Variants in MTBP observed in about 807,000 individuals in gnomAD.
The protein encoded by MTBP is mdm2-binding protein.
MTBP carries 101 observed loss-of-function variants against 117.0 expected under a neutral mutation model. That is an observed-to-expected ratio of 0.86 (90% CI 0.73 to 1.02). The LOEUF is 1.02. MTBP is among the 50% of genes least tolerant of loss of function. The pLI is 0.00. For synonymous variants in MTBP, 350 were observed against 351.5 expected (o/e 1.00, Z 0.05); for missense variants, 970 against 1,030.9 (o/e 0.94, Z 0.81).
rs754784575 is a variant in MTBP at position 120,470,949 on chromosome 8, A to G, written c.1165+12A>G. On this transcript the variant is annotated intron_variant, in intron 11 of 21. Transcript: ENST00000305949. ...TAAAACAATCAGTGGTAAGTATTAC[A>G]TGTTTCGGTTGTTTTAATGATGCAG... The G allele has an allele frequency of 2.6e-6, 4 of 1,515,316 alleles. No individual in the cohort carries two copies. Among genetic ancestry groups the G allele is most frequent in the Admixed American group, 1.7e-5 (1 of 59,638 alleles). 93.9% of individuals were successfully genotyped at this position (1,515,316 alleles called of 1,614,324 possible). A position where few individuals can be genotyped will look rare whatever the true frequency, so the allele number is the denominator to read the frequency against.
At chr8:120,456,291 T>G (rs1813466243) in intron 6 of MTBP, among the ~76,000 whole-genome samples, 1 of 152,182 alleles carries the variant, frequency 6.6e-6, no homozygotes, top group African/African-American at 2.4e-5. Flanking sequence ...CTGACACCTT[T>G]AAGCCAATAG....
intron 15 of MTBP, among the ~76,000 whole-genome samples, chr8:120,503,302 G>A (rs1228186570): frequency 6.6e-6 from 1 of 152,134 alleles, no homozygotes. Context: ...ATAACAAGCT[G>A]TGCACTGCCC....
At position 120,455,427 on chromosome 8, in the gene MTBP, C is replaced by A. The variant is rs752593144; in HGVS notation, c.485-8C>A. The stretch of plus-strand genomic sequence containing the variant: ...AAAAATTACAAAAATGCCTTTTTCT[C>A]TTTCTAGGTAGAGCAATGGTAGATA... On this transcript the variant is annotated splice_region_variant and splice_polypyrimidine_tract_variant and intron_variant, in intron 5 of 21. Transcript: ENST00000305949. The A allele has an allele frequency of 1.3e-6, 2 of 1,569,170 alleles. No homozygotes were observed. The highest frequency in any genetic ancestry group is 1.2e-5 in the South Asian group (1 of 82,572).
At chr8:120,453,309 G>A (rs1813399693) in intron 4 of MTBP, among the ~76,000 whole-genome samples, 1 of 151,976 alleles carries the variant, frequency 6.6e-6, no homozygotes, top group Non-Finnish European at 1.5e-5. Flanking sequence ...ATGGTGGTGT[G>A]TGCTTGTAGT....
chr8:120,482,934 C>G (rs574501592), intron 11 of MTBP, among the ~76,000 whole-genome samples: 1 of 151,370 alleles, frequency 6.6e-6, no homozygotes, highest in Non-Finnish European at 1.5e-5. Flanking sequence ...CTCCTGACCT[C>G]GTGATCCATC....
At chr8:120,477,733 C>T (rs909781968) in intron 11 of MTBP, among the ~76,000 whole-genome samples, 2 of 152,114 alleles carry the variant, frequency 1.3e-5, no homozygotes, top group African/African-American at 4.8e-5. Flanking sequence ...GAATGGCGAT[C>T]ATTAAAAAGT....
At chr8:120,470,104 A>G (rs192054443) in intron 10 of MTBP, among the ~76,000 whole-genome samples, 20 of 152,340 alleles carry the variant, frequency 1.3e-4, no homozygotes, top group South Asian at 2.1e-4. Context: ...CAGGAAAAAT[A>G]TAGCTTTCAG....
chr8:120,482,595 A>G (rs1435308500), intron 11 of MTBP, among the ~76,000 whole-genome samples: 1 of 152,190 alleles, frequency 6.6e-6, no homozygotes, highest in African/African-American at 2.4e-5. Context: ...AATATTACTT[A>G]ATTGTTTAAA....
chr8:120,511,665 C>T (rs1814813054), intron 17 of MTBP, among the ~76,000 whole-genome samples: 1 of 152,104 alleles, frequency 6.6e-6, no homozygotes, highest in Admixed American at 6.6e-5. Context: ...ACTATATAAA[C>T]ATTTGATTAA....
chr8:120,466,338 A>G (rs1465394194), intron 10 of MTBP, among the ~76,000 whole-genome samples: 1 of 150,606 alleles, frequency 6.6e-6, no homozygotes, highest in East Asian at 2.0e-4. Flanking sequence ...CAGCCACTCA[A>G]CTACCTAGAA....
At chr8:120,523,218 T>C (rs978301280) in intron 21 of MTBP, 80 bp from the exon 22 acceptor site, 2 of 934,398 alleles carry the variant, frequency 2.1e-6, no homozygotes. Flanking sequence ...CCATGTTCTT[T>C]TGAAGTTTTT....
chr8:120,498,163 A>G (rs1387744345), intron 14 of MTBP, among the ~76,000 whole-genome samples: 2 of 152,188 alleles, frequency 1.3e-5, no homozygotes, highest in Admixed American at 6.5e-5. Context: ...TCTTTAGGCA[A>G]GTTATTCAAC....
intron 20 of MTBP, among the ~76,000 whole-genome samples, chr8:120,519,133 A>G (rs1233241409): frequency 6.6e-6 from 1 of 151,192 alleles, no homozygotes; most frequent in African/African-American, 2.4e-5. Context: ...TGGGTTCTAT[A>G]TCCATGGGTT....
chr8:120,503,926 G>A (rs1405318147), intron 15 of MTBP, among the ~76,000 whole-genome samples: 1 of 152,126 alleles, frequency 6.6e-6, no homozygotes, highest in Non-Finnish European at 1.5e-5. Context: ...TTCTTCTGGG[G>A]TAGATGGGTG....
intron 11 of MTBP, among the ~76,000 whole-genome samples, chr8:120,480,378 C>A (rs1814052383): frequency 6.6e-6 from 1 of 152,128 alleles, no homozygotes; most frequent in Non-Finnish European, 1.5e-5. Flanking sequence ...CCACTGCACT[C>A]CAGCCTGGGC....
At chr8:120,513,197 C>T (rs1814848650) in intron 17 of MTBP, among the ~76,000 whole-genome samples, 1 of 152,080 alleles carries the variant, frequency 6.6e-6, no homozygotes, top group African/African-American at 2.4e-5. Flanking sequence ...ACCAGGCTCT[C>T]ATTGCTTTGA....
chr8:120,497,455 G>A lies in MTBP; in HGVS notation c.1510G>A (p.Val504Ile), dbSNP rs143073442. 3.8e-5 allele frequency: 61 copies of A among 1,608,540 alleles called. No individual in the cohort carries two copies. The African/African-American group carries it at 7.1e-4, about 19-fold the overall frequency. Residue 504 changes from valine (V) to isoleucine (I), a missense_variant, in exon 14 of 22, where the codon GTA becomes ATA. Physicochemically the swap from Val to Ile is conservative, Grantham distance 29. Coordinates refer to ENST00000305949, the MANE Select transcript of MTBP (RefSeq NM_022045.5). ...TGTTGCTGAACTCAAAAGTCTGTTA[G>A]TACTCACAAGGAAACACTTTTTAGA... ...VSVAELKSLL[V>I]LTRKHFLDYF...
intron 20 of MTBP, among the ~76,000 whole-genome samples, chr8:120,519,109 G>A (rs1314090106): frequency 1.3e-5 from 2 of 151,052 alleles, no homozygotes; most frequent in East Asian, 3.9e-4. Context: ...AATACAGTTG[G>A]CCCTCCATAT....
rs148538210 is a variant in MTBP at position 120,453,376 on chromosome 8, G to C, written c.426-471G>C. ...GTGGGAGGACCTCCTGAACCTGGGG[G>C]ATTGAGGCTGCAGTGAGCTGTGATC... On this transcript the variant is annotated intron_variant, in intron 4 of 21. Transcript: ENST00000305949. 4.3e-3 allele frequency among the ~76,000 whole-genome samples: 650 copies of C among 152,188 alleles called. 5 individuals are homozygous for C. Among genetic ancestry groups the C allele is most frequent in the African/African-American group, 0.015 (615 of 41,522 alleles).
Sources: allele counts gnomAD v4.1 joint callset (sites outside exome capture counted in the v4.1 genomes callset), GRCh38; gene constraint gnomAD v4.1.1; transcripts MANE v1.5; gene names NCBI Gene and HGNC (gene_info 2026-07-23, HGNC 2026-07-21).